The following TRPM3 variants were observed in gnomAD, a reference collection of about 807,000 sequenced individuals.
TRPM3 encodes transient receptor potential cation channel subfamily M member 3.
In TRPM3, 77 loss-of-function variants were observed where a neutral mutation model predicts 181.2. The observed-to-expected ratio is 0.42, with a 90% confidence interval of 0.35 to 0.51. The LOEUF is 0.51. TRPM3 is among the 20% of genes least tolerant of loss of function. TRPM3 has a pLI of 0.01. For missense variants in TRPM3, 1,759 were observed against 2,196.7 expected, an observed-to-expected ratio of 0.80 and a Z score of 3.98; for synonymous variants, 745 against 796.4, an observed-to-expected ratio of 0.94 and a Z score of 1.09.
intron 1 of TRPM3, among the ~76,000 whole-genome samples, chr9:70,970,844 T>A (rs553886347): frequency 1.3e-5 from 2 of 152,272 alleles, no homozygotes; most frequent in East Asian, 3.9e-4. Context: ...CAAAAGAGAA[T>A]GTTTGAAGAA....
intron 6 of TRPM3, among the ~76,000 whole-genome samples, chr9:70,808,252 C>T (rs370413495): frequency 1.3e-5 from 2 of 152,106 alleles, no homozygotes; most frequent in East Asian, 1.9e-4. Flanking sequence ...ATTGGCAACC[C>T]AAATCTTTCT....
intron 1 of TRPM3, among the ~76,000 whole-genome samples, chr9:71,001,000 T>A (rs111633305): frequency 9.2e-5 from 14 of 152,354 alleles, no homozygotes; most frequent in African/African-American, 3.4e-4. Flanking sequence ...GAAGATTACA[T>A]GCAGGATACA....
At chr9:71,159,104 T>TGA (rs2076147784) in intron 1 of TRPM3, among the ~76,000 whole-genome samples, 2 of 48,750 alleles carry the variant, frequency 4.1e-5, no homozygotes, top group African/African-American at 1.6e-4. Context: ...ATATATATAT[T>TGA]TAGAGAGAGA....
At chr9:70,654,117 T>C (rs2059957740) in intron 9 of TRPM3, among the ~76,000 whole-genome samples, 1 of 152,000 alleles carries the variant, frequency 6.6e-6, no homozygotes, top group Admixed American at 6.5e-5. Flanking sequence ...GGATCCTAAT[T>C]ATAGTTCAGA....
At chr9:70,765,788 C>A (rs915541588) in intron 7 of TRPM3, among the ~76,000 whole-genome samples, 7 of 152,004 alleles carry the variant, frequency 4.6e-5, no homozygotes, top group Non-Finnish European at 1.0e-4. Context: ...TTGTCTAGTT[C>A]TTCCCATCTT....
intron 8 of TRPM3, among the ~76,000 whole-genome samples, chr9:70,750,603 C>T (rs1024990252): frequency 2.6e-5 from 4 of 152,144 alleles, no homozygotes; most frequent in African/African-American, 9.6e-5. Flanking sequence ...GCACTGGAAT[C>T]GAAGTAGAGC....
At chr9:71,353,629 T>C (rs1156471578) in intron 1 of TRPM3, among the ~76,000 whole-genome samples, 2 of 152,216 alleles carry the variant, frequency 1.3e-5, no homozygotes, top group Non-Finnish European at 1.5e-5. Flanking sequence ...TAGAATAGTG[T>C]CTGTCAATTG....
intron 1 of TRPM3, among the ~76,000 whole-genome samples, chr9:70,939,769 G>A (rs2096867371): frequency 6.6e-6 from 1 of 152,166 alleles, no homozygotes; most frequent in African/African-American, 2.4e-5. Context: ...TCATTCTCTA[G>A]CCCTGGGGAA....
intron 6 of TRPM3, among the ~76,000 whole-genome samples, chr9:70,808,313 A>G (rs1342057467): frequency 6.6e-6 from 1 of 152,164 alleles, no homozygotes. Flanking sequence ...AGTGTCTAAG[A>G]AGTCTTAGAA....
intron 1 of TRPM3, among the ~76,000 whole-genome samples, chr9:71,115,973 C>T (rs2072278580): frequency 6.6e-6 from 1 of 152,118 alleles, no homozygotes; most frequent in Admixed American, 6.5e-5. Flanking sequence ...TAGTTTGGTC[C>T]CATTTTCTTT....
Position 70,536,866 on chromosome 9 carries a change from A to G in TRPM3, c.4247T>C (p.Val1416Ala), listed in dbSNP as rs2041900486. Residue 1416 changes from valine to alanine, a missense_variant, in exon 26 of 26, where the codon GTC (valine) becomes GCC (alanine). By Grantham distance (64) the Val-to-Ala change is moderately conservative. Around this residue, in one of 8 missense-constraint regions of TRPM3, gnomAD observed 612 missense variants for 590.0 expected, o/e 1.04. Coordinates refer to ENST00000677713, the MANE Select transcript of TRPM3 (RefSeq NM_001366145.2). ...RRPSSCIDIY[V>A]SAMDELHCDI... Reference sequence around the variant, plus strand: ...ACAGTGGAGCTCATCCATAGCAGAGACATAGATGTCTATACACGATGATGG... The same window carrying G: ...ACAGTGGAGCTCATCCATAGCAGAGGCATAGATGTCTATACACGATGATGG... 2 of 1,614,082 alleles carry G rather than the reference A, an allele frequency of 1.2e-6. No homozygotes were observed. The highest frequency in any genetic ancestry group is 1.7e-6 in the Non-Finnish European group (2 of 1,180,052).
intron 22 of TRPM3, among the ~76,000 whole-genome samples, chr9:70,584,635 C>T (rs989693318): frequency 2.0e-5 from 3 of 152,210 alleles, no homozygotes; most frequent in Admixed American, 6.5e-5. Context: ...TATTGCCTGA[C>T]CACAACATCG....
intron 22 of TRPM3, among the ~76,000 whole-genome samples, chr9:70,556,762 T>G (rs936860378): frequency 2.6e-4 from 39 of 152,288 alleles, no homozygotes; most frequent in African/African-American, 8.9e-4. Flanking sequence ...TCTGCCATTT[T>G]CAAATGATCT....
chr9:70,828,996 A>G (rs1209352518), intron 5 of TRPM3, among the ~76,000 whole-genome samples: 1 of 152,108 alleles, frequency 6.6e-6, no homozygotes, highest in Non-Finnish European at 1.5e-5. Context: ...TACTCCTAAA[A>G]TATTTAGGTA....
At chr9:71,235,938 A>G (rs555843212) in intron 1 of TRPM3, among the ~76,000 whole-genome samples, 30 of 152,364 alleles carry the variant, frequency 2.0e-4, no homozygotes, top group African/African-American at 7.0e-4. Flanking sequence ...TCGAGCTTAC[A>G]AAATGCTTCA....
chr9:70,795,571 A>C (rs1013728785), intron 6 of TRPM3, among the ~76,000 whole-genome samples: 1 of 152,220 alleles, frequency 6.6e-6, no homozygotes, highest in Non-Finnish European at 1.5e-5. Flanking sequence ...TGTGTCCAAA[A>C]GGCTAACTCT....
In TRPM3 at chr9:70,848,691, T is replaced by C. The variant is rs2095088584; in HGVS notation, c.463-2100A>G. ...AAACCTTCCATGTGTCAAAAGAAATTACCTGGCCGGGCGCGGTGGCTCACG... is the reference window on the plus strand; with the variant it reads ...AAACCTTCCATGTGTCAAAAGAAATCACCTGGCCGGGCGCGGTGGCTCACG... On this transcript the variant is annotated intron_variant, in intron 3 of 25. Transcript: ENST00000677713. Among the ~76,000 whole-genome samples, 3 of 99,652 alleles carry C rather than the reference T, an allele frequency of 3.0e-5. 1 individual carries two copies. The highest frequency in any genetic ancestry group is 6.6e-5 in the Non-Finnish European group (3 of 45,224). 65.4% of individuals were successfully genotyped at this position (99,652 alleles called of 152,430 possible).
chr9:70,889,362 A>G (rs58752867), intron 1 of TRPM3, among the ~76,000 whole-genome samples: 3,074 of 152,308 alleles, frequency 0.02, 109 homozygotes, highest in African/African-American at 0.069. Context: ...ATGAGGCACC[A>G]GGATGAAAGC....
chr9:70,678,687 C>T (rs752715823), intron 9 of TRPM3, among the ~76,000 whole-genome samples: 12 of 152,092 alleles, frequency 7.9e-5, no homozygotes, highest in East Asian at 5.8e-4. Context: ...TCTCAGATTC[C>T]GCAGAATAAA....
Sources: allele counts gnomAD v4.1 joint callset (sites outside exome capture counted in the v4.1 genomes callset), GRCh38; gene constraint gnomAD v4.1.1; regional missense constraint gnomAD v4.1.1; transcripts MANE v1.5; gene names NCBI Gene and HGNC (gene_info 2026-07-23, HGNC 2026-07-21).